Variants in DDX59 observed in about 807,000 individuals in gnomAD.
DDX59 encodes probable ATP-dependent RNA helicase DDX59.
In DDX59, 30 loss-of-function variants were observed where a neutral mutation model predicts 51.9. That is an observed-to-expected ratio of 0.58 (90% CI 0.43 to 0.78). DDX59 has a LOEUF of 0.78. Among genes scored for constraint, DDX59 ranks in the 30% least tolerant of loss-of-function variants. The pLI is 0.00. For synonymous variants in DDX59, 255 were observed against 253.3 expected (o/e 1.01, Z -0.06); for missense variants, 672 against 730.8 (o/e 0.92, Z 0.93).
intron 4 of DDX59, chr1:200,654,519 G>C (rs537765446): frequency 1.3e-5 from 2 of 152,136 alleles, no homozygotes; most frequent in Non-Finnish European, 1.5e-5. Context: ...GTCTGGTCTC[G>C]TCTGATGGTC....
At chr1:200,655,257 G>A (rs1049780818) in intron 4 of DDX59, among the ~76,000 whole-genome samples, 7 of 152,052 alleles carry the variant, frequency 4.6e-5, no homozygotes, top group Non-Finnish European at 1.0e-4. Context: ...CACCTCTCTT[G>A]CCTTCTTCTT....
In DDX59 at chr1:200,650,682, A is replaced by C. The variant is rs777450958; in HGVS notation, c.1063-6T>G. 1.0e-5 allele frequency: 16 copies of C among 1,594,998 alleles called. No individual in the cohort carries two copies. Among genetic ancestry groups the C allele is most frequent in the Admixed American group, 1.7e-5 (1 of 58,470 alleles). ...ATCTTTAACATGGTATCAGCCTAAA[A>C]TAAAATTGTATTAAAGTTAGTCTTG... is the stretch of plus-strand genomic sequence containing the variant. On this transcript the variant is annotated splice_polypyrimidine_tract_variant and splice_region_variant and intron_variant, in intron 4 of 7. Coordinates refer to ENST00000331314, the MANE Select transcript of DDX59 (RefSeq NM_001031725.6).
chr1:200,656,232 T>C (rs1297156477), intron 4 of DDX59, among the ~76,000 whole-genome samples: 1 of 152,206 alleles, frequency 6.6e-6, no homozygotes, highest in Non-Finnish European at 1.5e-5. Flanking sequence ...TAATGTTTTA[T>C]GGGAACCCCG....
At chr1:200,655,907 C>G (rs944063812) in intron 4 of DDX59, among the ~76,000 whole-genome samples, 1 of 151,878 alleles carries the variant, frequency 6.6e-6, no homozygotes, top group East Asian at 1.9e-4. Context: ...CTTGGCTCAC[C>G]GCAACCTCCA....
intron 4 of DDX59, among the ~76,000 whole-genome samples, chr1:200,657,249 C>T (rs1293129376): frequency 6.4e-5 from 5 of 77,650 alleles, no homozygotes; most frequent in South Asian, 4.4e-4. Flanking sequence ...AAACTGTCTA[C>T]AAAAAAAAAA....
chr1:200,643,370 G>A (rs530102272), downstream of DDX59, among the ~76,000 whole-genome samples: 4 of 152,248 alleles, frequency 2.6e-5, no homozygotes, highest in East Asian at 1.9e-4. Flanking sequence ...TAGGCCAGGC[G>A]TGGTGGCTCA....
At chr1:200,651,314 A>G (rs916736395) in intron 4 of DDX59, among the ~76,000 whole-genome samples, 2 of 152,134 alleles carry the variant, frequency 1.3e-5, no homozygotes, top group East Asian at 1.9e-4. Flanking sequence ...CCCTAAATTC[A>G]TATGTTGAAA....
intron 1 of DDX59, among the ~76,000 whole-genome samples, chr1:200,667,189 G>A (rs1385781926): frequency 6.6e-6 from 1 of 151,978 alleles, no homozygotes; most frequent in Non-Finnish European, 1.5e-5. Flanking sequence ...CAGATCACGA[G>A]GTCAGGAGTT....
At chr1:200,651,441 CTG>C (rs544879508) in intron 4 of DDX59, among the ~76,000 whole-genome samples, 103 of 152,184 alleles carry the variant, frequency 6.8e-4, no homozygotes, top group African/African-American at 2.3e-3. Flanking sequence ...GGATGGAGCT[CTG>C]TGTGAGGATG....
At position 200,665,674 on chromosome 1, in the gene DDX59, T is replaced by C. The variant is rs539904738; in HGVS notation, c.804+263A>G. On this transcript the variant is annotated intron_variant, in intron 2 of 7. Coordinates refer to ENST00000331314, the MANE Select transcript of DDX59 (RefSeq NM_001031725.6). Reference sequence around the variant, plus strand: ...CTCATTCTGTTAATAGAAAAACTGTTAAAAAGAAAATGTTTTGTAAGGAAG... The same window carrying C: ...CTCATTCTGTTAATAGAAAAACTGTCAAAAAGAAAATGTTTTGTAAGGAAG... 2.6e-5 allele frequency among the ~76,000 whole-genome samples: 4 copies of C among 152,228 alleles called. No homozygotes were observed. The South Asian group carries it at 8.3e-4, about 32-fold the overall frequency.
chr1:200,667,057 G>A (rs1003711781), intron 1 of DDX59, among the ~76,000 whole-genome samples: 14 of 151,720 alleles, frequency 9.2e-5, no homozygotes, highest in South Asian at 4.2e-4. Flanking sequence ...GCAGTGAGCC[G>A]AGATCGTGCC....
chr1:200,646,672 C>T (rs1661314952), intron 7 of DDX59, among the ~76,000 whole-genome samples: 1 of 152,164 alleles, frequency 6.6e-6, no homozygotes, highest in South Asian at 2.1e-4. Flanking sequence ...AATGGTGACG[C>T]CATGTTGGAA....
At chr1:200,646,821 T>G (rs1041993106) in intron 7 of DDX59, among the ~76,000 whole-genome samples, 19 of 152,228 alleles carry the variant, frequency 1.2e-4, no homozygotes, top group African/African-American at 3.9e-4. Context: ...GCAGCCTGAT[T>G]CATAGGAGCC....
At chr1:200,649,935 C>T (rs1371185815) in intron 5 of DDX59, among the ~76,000 whole-genome samples, 1 of 151,748 alleles carries the variant, frequency 6.6e-6, no homozygotes, top group Non-Finnish European at 1.5e-5. Context: ...CCCTGCCTCC[C>T]AGATTCACAC....
downstream of DDX59, chr1:200,641,184 G>C: frequency 7.7e-7 from 1 of 1,304,742 alleles, no homozygotes; most frequent in Non-Finnish European, 1.0e-6. Flanking sequence ...GTGGTGAGTA[G>C]ACTGTATAAC....
Position 200,650,694 on chromosome 1 carries a change from TAA to T in DDX59, c.1063-20_1063-19del, listed in dbSNP as rs1212676160. 18 of 1,579,094 alleles carry T rather than the reference TAA, an allele frequency of 1.1e-5. No individual in the cohort carries two copies. The highest frequency in any genetic ancestry group is 1.8e-5 in the Admixed American group (1 of 56,984). Reference sequence around the variant, plus strand: ...GTATCAGCCTAAAATAAAATTGTATTAAAGTTAGTCTTGTTTGACATTAAAAC... The same window carrying T: ...GTATCAGCCTAAAATAAAATTGTATTAGTTAGTCTTGTTTGACATTAAAAC... On this transcript the variant is annotated intron_variant, in intron 4 of 7. Transcript: ENST00000331314.
Position 200,644,383 on chromosome 1 carries a change from A to G in DDX59, c.1731T>C (p.Asn577=). The change falls in exon 8 of 8, where the codon AAT becomes AAC. Residue 577 remains asparagine, a synonymous_variant. Coordinates refer to ENST00000331314, the MANE Select transcript of DDX59 (RefSeq NM_001031725.6). ...TGSILPPQLL[N]SPYLHDQKRK... ...TCTTCTGGTCATGAAGGTATGGGGA[A>G]TTTAATAACTGAGGGGGAAGAATGG... 1 of 1,613,846 alleles carries G rather than the reference A, an allele frequency of 6.2e-7. No homozygotes were observed. The highest frequency in any genetic ancestry group is 8.5e-7 in the Non-Finnish European group (1 of 1,179,918).
intron 1 of DDX59, among the ~76,000 whole-genome samples, chr1:200,668,083 G>T (rs1019468830): frequency 2.0e-5 from 3 of 152,040 alleles, no homozygotes; most frequent in Non-Finnish European, 2.9e-5. Context: ...CGGATCACGA[G>T]GTCAGGAGAT....
Position 200,666,113 on chromosome 1 carries a change from G to C in DDX59, c.628C>G (p.Leu210Val). The change falls in exon 2 of 8, where the codon CTC becomes GTC. Residue 210 changes from leucine (L) to valine (V), a missense_variant. Transcript: ENST00000331314. Reference sequence around the variant, plus strand: ...AAGTTGTGATTTAAGACCTCAGGGAGACTACAATGTTCAAAGTCAATAATG... The same window carrying C: ...AAGTTGTGATTTAAGACCTCAGGGACACTACAATGTTCAAAGTCAATAATG... Reference protein sequence around the residue: ...RPIIDFEHCSLPEVLNHNLKK... With the variant: ...RPIIDFEHCSVPEVLNHNLKK... 1 of 1,614,186 alleles carries C rather than the reference G, an allele frequency of 6.2e-7. No homozygotes were observed. The highest frequency in any genetic ancestry group is 8.5e-7 in the Non-Finnish European group (1 of 1,180,032).
Sources: gnomAD v4.1 joint callset for allele counts (sites outside exome capture counted in the v4.1 genomes callset) on GRCh38, gnomAD v4.1.1 for gene constraint, MANE v1.5 for transcripts, NCBI Gene and HGNC (gene_info 2026-07-23, HGNC 2026-07-21) for gene names.